FGF14: variants seen among roughly 807,000 people sequenced by gnomAD.
The protein encoded by FGF14 is fibroblast growth factor homologous factor 4.
In FGF14, 5 loss-of-function variants were observed where a neutral mutation model predicts 25.5. That is an observed-to-expected ratio of 0.20 (90% CI 0.10 to 0.41). The LOEUF (loss-of-function observed/expected upper bound fraction) is 0.41. Ranked by LOEUF, FGF14 falls within the 10% of genes least tolerant of loss-of-function variation. The pLI, the probability that FGF14 is intolerant of heterozygous loss-of-function variation, is 1.00. For missense variants in FGF14, 222 were observed against 320.1 expected (o/e 0.69, Z 2.34); for synonymous variants, 138 against 118.3 (o/e 1.17, Z -1.08).
chr13:102,074,167 T>C (rs1317428629), intron 1 of FGF14, among the ~76,000 whole-genome samples: 1 of 152,158 alleles, frequency 6.6e-6, no homozygotes, highest in African/African-American at 2.4e-5. Flanking sequence ...TGCACCACCA[T>C]ACCTGGCAAT....
At chr13:101,750,269 CAAT>C (rs925922635) in intron 3 of FGF14, among the ~76,000 whole-genome samples, 1 of 151,972 alleles carries the variant, frequency 6.6e-6, no homozygotes, top group African/African-American at 2.4e-5. Flanking sequence ...GCTTGTGCAA[CAAT>C]GTTATGTATC....
intron 1 of FGF14, among the ~76,000 whole-genome samples, chr13:101,958,154 C>A (rs73569514): frequency 0.014 from 2,204 of 152,288 alleles, 56 homozygotes; most frequent in African/African-American, 0.051. Context: ...AACTTGAGAG[C>A]TTTCCTAAAC....
At chr13:102,145,755 T>G (rs898671910) in intron 1 of FGF14, among the ~76,000 whole-genome samples, 2 of 152,156 alleles carry the variant, frequency 1.3e-5, no homozygotes, top group Non-Finnish European at 2.9e-5. Flanking sequence ...ATTAATAAAA[T>G]TAACCAGTGC....
intron 1 of FGF14, among the ~76,000 whole-genome samples, chr13:102,303,212 CTCTT>C (rs2055169852): frequency 6.6e-6 from 1 of 152,184 alleles, no homozygotes; most frequent in Admixed American, 6.6e-5. Context: ...CTTTCTGCCA[CTCTT>C]TCTGTCCTCT....
chr13:102,273,278 C>T (rs1446749420), intron 1 of FGF14, among the ~76,000 whole-genome samples: 2 of 152,140 alleles, frequency 1.3e-5, no homozygotes, highest in East Asian at 1.9e-4. Context: ...GTCGACTAAT[C>T]GTGTTTATAG....
chr13:101,948,875 T>C (rs2035983374), intron 1 of FGF14, among the ~76,000 whole-genome samples: 1 of 152,242 alleles, frequency 6.6e-6, no homozygotes, highest in African/African-American at 2.4e-5. Context: ...ATAATCTTCC[T>C]GCAATTTTGC....
intron 3 of FGF14, among the ~76,000 whole-genome samples, chr13:101,787,562 C>T (rs1273033833): frequency 6.6e-6 from 1 of 152,108 alleles, no homozygotes; most frequent in Non-Finnish European, 1.5e-5. Flanking sequence ...AACGCATAAC[C>T]CTACATGGTT....
At chr13:101,786,839 T>A (rs1029022414) in intron 3 of FGF14, among the ~76,000 whole-genome samples, 1 of 152,174 alleles carries the variant, frequency 6.6e-6, no homozygotes, top group Non-Finnish European at 1.5e-5. Flanking sequence ...TTAAACCACA[T>A]AGCATTTATA....
At chr13:101,913,093 A>G (rs1470983965) in intron 1 of FGF14, among the ~76,000 whole-genome samples, 1 of 152,240 alleles carries the variant, frequency 6.6e-6, no homozygotes, top group Admixed American at 6.5e-5. Context: ...CTCAGAGGAG[A>G]TGGCATTTTC....
intron 1 of FGF14, among the ~76,000 whole-genome samples, chr13:102,359,402 T>C (rs918208803): frequency 2.6e-5 from 4 of 152,196 alleles, no homozygotes; most frequent in African/African-American, 9.7e-5. Flanking sequence ...TTAATATTTC[T>C]TTCCATATTA....
At chr13:102,086,246 G>A (rs1486921519) in intron 1 of FGF14, among the ~76,000 whole-genome samples, 2 of 152,132 alleles carry the variant, frequency 1.3e-5, no homozygotes, top group Non-Finnish European at 2.9e-5. Flanking sequence ...GGGTTAAGAA[G>A]TGCTTCGGTC....
intron 1 of FGF14, among the ~76,000 whole-genome samples, chr13:102,067,684 C>G (rs1204697535): frequency 6.7e-6 from 1 of 150,198 alleles, no homozygotes; most frequent in Non-Finnish European, 1.5e-5. Context: ...AAATCTAGTA[C>G]TTACTGGCCT....
chr13:102,060,540 T>C (rs990268152), intron 1 of FGF14, among the ~76,000 whole-genome samples: 9 of 152,064 alleles, frequency 5.9e-5, no homozygotes, highest in African/African-American at 2.2e-4. Flanking sequence ...AAAGAAGAAA[T>C]CTAAACTAAA....
At chr13:101,863,612 G>A (rs1369197368) in intron 3 of FGF14, among the ~76,000 whole-genome samples, 1 of 152,108 alleles carries the variant, frequency 6.6e-6, no homozygotes, top group Non-Finnish European at 1.5e-5. Flanking sequence ...AATACTCCAT[G>A]AGTGTGTACT....
chr13:101,928,581 G>A (rs140396297), intron 1 of FGF14, among the ~76,000 whole-genome samples: 2 of 152,104 alleles, frequency 1.3e-5, no homozygotes, highest in Admixed American at 6.5e-5. Context: ...TCTGTTGCCA[G>A]GCTGAAGGTT....
At chr13:102,046,402 TA>T (rs2041983752) in intron 1 of FGF14, among the ~76,000 whole-genome samples, 1 of 152,098 alleles carries the variant, frequency 6.6e-6, no homozygotes, top group South Asian at 2.1e-4. Context: ...TAAAGAACAC[TA>T]AGAGAAAAGC....
chr13:102,317,054 C>T (rs1024032204), intron 1 of FGF14, among the ~76,000 whole-genome samples: 1 of 152,070 alleles, frequency 6.6e-6, no homozygotes, highest in Non-Finnish European at 1.5e-5. Flanking sequence ...CATTCCATCA[C>T]GTACCTTCTC....
At chr13:102,181,871 C>A (rs1407148201) in intron 1 of FGF14, among the ~76,000 whole-genome samples, 1 of 152,142 alleles carries the variant, frequency 6.6e-6, no homozygotes, top group Non-Finnish European at 1.5e-5. Flanking sequence ...GACCATTATT[C>A]TGCCAACTGC....
chr13:102,206,140 C>A (rs1042097630), intron 1 of FGF14, among the ~76,000 whole-genome samples: 1 of 150,918 alleles, frequency 6.6e-6, no homozygotes, highest in Non-Finnish European at 1.5e-5. Context: ...CACACACACA[C>A]ACACACACAC....
Sources: gnomAD v4.1 joint callset for allele counts (sites outside exome capture counted in the v4.1 genomes callset) on GRCh38, gnomAD v4.1.1 for gene constraint, MANE v1.5 for transcripts, NCBI Gene and HGNC (gene_info 2026-07-23, HGNC 2026-07-21) for gene names.